Variants in ITGBL1 observed in about 807,000 individuals in gnomAD.
The protein encoded by ITGBL1 is integrin beta-like protein 1.
In ITGBL1, 51 loss-of-function variants were observed where a neutral mutation model predicts 68.5. The ratio of observed to expected loss-of-function variants is 0.74; its 90% confidence interval spans 0.59 to 0.94. The LOEUF (loss-of-function observed/expected upper bound fraction) is 0.94. Among genes scored for constraint, ITGBL1 ranks in the 40% least tolerant of loss-of-function variants. The pLI, the probability that ITGBL1 is intolerant of heterozygous loss-of-function variation, is 0.00. For missense variants in ITGBL1, 649 were observed against 647.4 expected, an observed-to-expected ratio of 1.00 and a Z score of -0.03; for synonymous variants, 209 against 227.3, an observed-to-expected ratio of 0.92 and a Z score of 0.72.
At chr13:101,704,209 G>A (rs1566798531) in intron 8 of ITGBL1, among the ~76,000 whole-genome samples, 2 of 152,152 alleles carry the variant, frequency 1.3e-5, no homozygotes, top group East Asian at 1.9e-4. Flanking sequence ...GTGTCTGGGT[G>A]CATTTGTTCA....
At position 101,486,893 on chromosome 13, in the gene ITGBL1, G is replaced by A. The variant is rs747208241; in HGVS notation, c.316+32793G>A. 3.9e-4 allele frequency among the ~76,000 whole-genome samples: 59 copies of A among 152,224 alleles called. 1 individual carries two copies. The highest frequency in any genetic ancestry group is 3.4e-3 in the Middle Eastern group (1 of 294). On this transcript the variant is annotated intron_variant, in intron 2 of 10. Coordinates refer to ENST00000376180, the MANE Select transcript of ITGBL1 (RefSeq NM_004791.3). The stretch of plus-strand genomic sequence containing the variant: ...ATTTCACACACCCAAAAATGCCTAC[G>A]TAGGTATTAAATGTCAGCTCTTATT...
chr13:101,555,684 T>TTA (rs1555358501), intron 2 of ITGBL1, among the ~76,000 whole-genome samples: 1 of 151,340 alleles, frequency 6.6e-6, no homozygotes, highest in African/African-American at 2.4e-5. Flanking sequence ...TTTAAGTGTT[T>TTA]TGTGTGTGTG....
intron 3 of ITGBL1, among the ~76,000 whole-genome samples, chr13:101,568,865 C>T (rs1412051188): frequency 3.3e-5 from 5 of 152,056 alleles, no homozygotes; most frequent in African/African-American, 4.8e-5. Context: ...ATATCCAAAG[C>T]GAGGTGTGAG....
At chr13:101,458,930 A>C (rs1233719246) in intron 2 of ITGBL1, among the ~76,000 whole-genome samples, 1 of 152,340 alleles carries the variant, frequency 6.6e-6, no homozygotes, top group Non-Finnish European at 1.5e-5. Context: ...AGAGGCAATA[A>C]GAACAGAATT....
chr13:101,701,415 C>T (rs1260920835), intron 8 of ITGBL1, among the ~76,000 whole-genome samples: 1 of 152,122 alleles, frequency 6.6e-6, no homozygotes, highest in East Asian at 1.9e-4. Context: ...TGCCTGTAAT[C>T]CCAGCTATTC....
At chr13:101,572,381 GA>G (rs1420503487) in intron 3 of ITGBL1, among the ~76,000 whole-genome samples, 1 of 152,100 alleles carries the variant, frequency 6.6e-6, no homozygotes, top group Non-Finnish European at 1.5e-5. Context: ...GGGAAAAGTA[GA>G]AGGGAGGTCC....
intron 2 of ITGBL1, among the ~76,000 whole-genome samples, chr13:101,496,599 A>G (rs2139073767): frequency 6.6e-6 from 1 of 152,306 alleles, no homozygotes; most frequent in East Asian, 1.9e-4. Flanking sequence ...TTTTTAAAAT[A>G]TTGATAATCA....
chr13:101,582,662 C>G (rs1393592940), intron 5 of ITGBL1, among the ~76,000 whole-genome samples: 1 of 152,088 alleles, frequency 6.6e-6, no homozygotes, highest in Non-Finnish European at 1.5e-5. Context: ...ATGCCCATCC[C>G]TACCCTTCTT....
chr13:101,559,636 A>G (rs895782734), intron 2 of ITGBL1, among the ~76,000 whole-genome samples: 1 of 152,218 alleles, frequency 6.6e-6, no homozygotes, highest in Non-Finnish European at 1.5e-5. Flanking sequence ...GTCCATTGCT[A>G]AATTCCAGAA....
chr13:101,453,957 C>T lies in ITGBL1; in HGVS notation c.173C>T (p.Pro58Leu), dbSNP rs1396718616. 59 of 1,495,678 alleles carry T rather than the reference C, an allele frequency of 3.9e-5. No homozygotes were observed. Among genetic ancestry groups the T allele is most frequent in the Non-Finnish European group, 4.3e-5 (48 of 1,117,574 alleles). 92.7% of individuals were successfully genotyped at this position (1,495,678 alleles called of 1,614,324 possible). The change falls in exon 2 of 11, where the codon CCG (proline) becomes CTG (leucine). Residue 58 changes from proline (P) to leucine (L), a missense_variant. By Grantham distance (98) the Pro-to-Leu change is moderately conservative. Coordinates refer to ENST00000376180, the MANE Select transcript of ITGBL1 (RefSeq NM_004791.3). ...CGCTGCCGCGCACCTGGGCAGCCCC[C>T]GGGGGCCGCGCTGTGCCACGGCCGG... ...ERRCRAPGQP[P>L]GAALCHGRGR...
At chr13:101,540,844 G>C (rs1286834707) in intron 2 of ITGBL1, among the ~76,000 whole-genome samples, 1 of 136,542 alleles carries the variant, frequency 7.3e-6, no homozygotes, top group African/African-American at 2.6e-5. Context: ...CTCATGATTT[G>C]GCTCTCTGTT....
intron 7 of ITGBL1, among the ~76,000 whole-genome samples, chr13:101,664,395 CA>C (rs2033162136): frequency 1.3e-5 from 2 of 152,146 alleles, no homozygotes; most frequent in African/African-American, 2.4e-5. Flanking sequence ...AAATTATTTA[CA>C]GGTATCCTGA....
At chr13:101,635,715 T>G (rs935523803) in intron 7 of ITGBL1, among the ~76,000 whole-genome samples, 1 of 152,022 alleles carries the variant, frequency 6.6e-6, no homozygotes, top group Non-Finnish European at 1.5e-5. Context: ...CAGTAACTAA[T>G]GTAGACCCAA....
chr13:101,580,983 AG>A (rs1360406928), intron 5 of ITGBL1, among the ~76,000 whole-genome samples: 1 of 152,106 alleles, frequency 6.6e-6, no homozygotes, highest in Non-Finnish European at 1.5e-5. Flanking sequence ...ACTTGAAGAC[AG>A]GGCAGAAGTG....
chr13:101,610,172 G>A (rs2031055606), intron 7 of ITGBL1, among the ~76,000 whole-genome samples: 1 of 152,084 alleles, frequency 6.6e-6, no homozygotes. Flanking sequence ...GCAGATTGTA[G>A]TGGAGAGCTT....
chr13:101,545,563 A>G (rs1018632704), intron 2 of ITGBL1, among the ~76,000 whole-genome samples: 1 of 152,224 alleles, frequency 6.6e-6, no homozygotes, highest in Non-Finnish European at 1.5e-5. Flanking sequence ...TAGACAGGGA[A>G]AAATATGTCC....
chr13:101,707,063 G>A (rs1223917338), intron 9 of ITGBL1, among the ~76,000 whole-genome samples, 161 bp downstream of exon 9: 1 of 152,160 alleles, frequency 6.6e-6, no homozygotes, highest in Non-Finnish European at 1.5e-5. Context: ...ACCAAATGAA[G>A]TTTTGGATCT....
chr13:101,493,985 T>G (rs567221018), intron 2 of ITGBL1, among the ~76,000 whole-genome samples: 1 of 152,366 alleles, frequency 6.6e-6, no homozygotes, highest in South Asian at 2.1e-4. Context: ...GATCACATAC[T>G]TAGGTTTGTC....
chr13:101,719,085 G>A (rs2034827979), downstream of ITGBL1: 1 of 152,132 alleles, frequency 6.6e-6, no homozygotes, highest in Non-Finnish European at 1.5e-5. Context: ...TCAACTGGAT[G>A]TTAGTCAATG....
Sources: gnomAD v4.1 joint callset for allele counts (sites outside exome capture counted in the v4.1 genomes callset) on GRCh38, gnomAD v4.1.1 for gene constraint, MANE v1.5 for transcripts, NCBI Gene and HGNC (gene_info 2026-07-23, HGNC 2026-07-21) for gene names.